ZNF423: variants seen among roughly 807,000 people sequenced by gnomAD.
The protein encoded by ZNF423 is Ebf-associated zinc finger protein.
Under a neutral mutation model 95.8 loss-of-function variants are expected in ZNF423, and 12 were observed. The ratio of observed to expected loss-of-function variants is 0.13; its 90% CI spans 0.08 to 0.20. The LOEUF is 0.20. Among genes scored for constraint, ZNF423 ranks in the 10% least tolerant of loss-of-function variants. The pLI is 1.00. For synonymous variants in ZNF423, 749 were observed against 711.9 expected (o/e 1.05, Z -0.83); for missense variants, 1,316 against 1,737.1 (o/e 0.76, Z 4.31).
chr16:49,554,402 C>A (rs1050661798), intron 5 of ZNF423, among the ~76,000 whole-genome samples: 3 of 152,090 alleles, frequency 2.0e-5, no homozygotes, highest in Non-Finnish European at 4.4e-5. Flanking sequence ...TTGACCCAGG[C>A]CCCCAAATCC....
intron 2 of ZNF423, among the ~76,000 whole-genome samples, chr16:49,763,655 G>A (rs541696216): frequency 3.8e-4 from 58 of 152,146 alleles, no homozygotes; most frequent in African/African-American, 1.3e-3. Flanking sequence ...CCACTTCTCC[G>A]CTGCCTCTGC....
At chr16:49,663,054 C>A (rs2030327209) in intron 3 of ZNF423, among the ~76,000 whole-genome samples, 1 of 152,132 alleles carries the variant, frequency 6.6e-6, no homozygotes, top group South Asian at 2.1e-4. Context: ...ATTATCCAAG[C>A]AGGCGCTGGC....
At chr16:49,741,266 G>A (rs1038984154) in intron 2 of ZNF423, among the ~76,000 whole-genome samples, 10 of 151,922 alleles carry the variant, frequency 6.6e-5, no homozygotes, top group African/African-American at 1.9e-4. Context: ...GGGCCAAGGC[G>A]GGTGGATCAT....
rs546990877 is a variant in ZNF423, at chr16:49,724,843, C to T, written c.301+5928G>A. 9.1e-4 allele frequency among the ~76,000 whole-genome samples: 139 copies of T among 152,288 alleles called. No homozygotes were observed. The South Asian group carries it at 0.015, about 16-fold the overall frequency. ...GGTCCCAGTCCTCAAGAAGGGATAGCGGAGAGGGGAGCCGCAAAATTAACC... is the reference window on the plus strand; with the variant it reads ...GGTCCCAGTCCTCAAGAAGGGATAGTGGAGAGGGGAGCCGCAAAATTAACC... On this transcript the variant is annotated intron_variant, in intron 3 of 7. Coordinates refer to ENST00000563137, the MANE Select transcript of ZNF423 (RefSeq NM_001379286.1).
intron 1 of ZNF423, among the ~76,000 whole-genome samples, chr16:49,842,406 AAGGAAGGCAGGCAGGCAGGC>A (rs1230479624): frequency 4.0e-4 from 35 of 88,390 alleles, no homozygotes; most frequent in Middle Eastern, 7.9e-3. Context: ...GGAAGGAAGG[AAGGAAGGCAGGCAGGCAGGC>A]AGGCAGGCAG....
At chr16:49,522,585 A>T (rs919666159) in intron 7 of ZNF423, among the ~76,000 whole-genome samples, 1 of 152,076 alleles carries the variant, frequency 6.6e-6, no homozygotes, top group Non-Finnish European at 1.5e-5. Flanking sequence ...CGACAGGCTC[A>T]TTCTTGGTAT....
At chr16:49,817,915 C>T (rs1444071872) in intron 1 of ZNF423, among the ~76,000 whole-genome samples, 2 of 152,094 alleles carry the variant, frequency 1.3e-5, no homozygotes, top group African/African-American at 4.8e-5. Context: ...AGTACCAGGC[C>T]TCCAACCCGC....
intron 2 of ZNF423, among the ~76,000 whole-genome samples, chr16:49,783,286 G>C (rs2034245202): frequency 6.6e-6 from 1 of 151,078 alleles, no homozygotes; most frequent in Admixed American, 6.6e-5. Context: ...GTTAGGGTTA[G>C]AGTTAGGATT....
chr16:49,737,539 T>C (rs2033315934), intron 2 of ZNF423, among the ~76,000 whole-genome samples: 1 of 152,174 alleles, frequency 6.6e-6, no homozygotes, highest in African/African-American at 2.4e-5. Flanking sequence ...GGAATACAGG[T>C]GTGAGCCACC....
chr16:49,592,223 A>C (rs369173839), intron 5 of ZNF423, among the ~76,000 whole-genome samples: 2 of 152,346 alleles, frequency 1.3e-5, no homozygotes, highest in South Asian at 2.1e-4. Flanking sequence ...TAAACATCAA[A>C]TTGTTAACAG....
chr16:49,823,385 T>G (rs1321700240), intron 1 of ZNF423, among the ~76,000 whole-genome samples: 1 of 152,184 alleles, frequency 6.6e-6, no homozygotes, highest in Non-Finnish European at 1.5e-5. Flanking sequence ...TCTTCACAGC[T>G]GTGCAGAAAA....
At chr16:49,502,147 C>T (rs939434333) in intron 7 of ZNF423, among the ~76,000 whole-genome samples, 14 of 152,324 alleles carry the variant, frequency 9.2e-5, no homozygotes, top group South Asian at 2.1e-4. Context: ...GGGCCACCAG[C>T]TTGAGACCTC....
chr16:49,506,453 G>C (rs1967644432), intron 7 of ZNF423, among the ~76,000 whole-genome samples: 1 of 150,976 alleles, frequency 6.6e-6, no homozygotes, highest in South Asian at 2.1e-4. Context: ...GTGGATGACA[G>C]ATTGATGGGT....
At chr16:49,675,023 G>C (rs867719675) in intron 3 of ZNF423, among the ~76,000 whole-genome samples, 2 of 152,206 alleles carry the variant, frequency 1.3e-5, no homozygotes, top group African/African-American at 4.8e-5. Context: ...GCCCAGGGCA[G>C]AGCGGGAGGC....
chr16:49,657,032 G>A (rs557837374), intron 3 of ZNF423, among the ~76,000 whole-genome samples: 6 of 152,212 alleles, frequency 3.9e-5, no homozygotes, highest in Non-Finnish European at 8.8e-5. Flanking sequence ...CAGGGAAAGA[G>A]AGGGAGTGAC....
chr16:49,675,022 A>G (rs2030987267), intron 3 of ZNF423, among the ~76,000 whole-genome samples: 1 of 152,174 alleles, frequency 6.6e-6, no homozygotes, highest in African/African-American at 2.4e-5. Flanking sequence ...CGCCCAGGGC[A>G]GAGCGGGAGG....
intron 2 of ZNF423, among the ~76,000 whole-genome samples, chr16:49,774,218 G>A (rs148062870): frequency 3.0e-4 from 45 of 152,292 alleles, no homozygotes; most frequent in Non-Finnish European, 6.0e-4. Flanking sequence ...CTCTTTCCAC[G>A]TTTGGAGAAG....
chr16:49,731,157 C>T (rs2033158679), intron 2 of ZNF423, 186 bp from the exon 3 acceptor site: 1 of 480,586 alleles, frequency 2.1e-6, no homozygotes, highest in South Asian at 8.8e-5. Flanking sequence ...TAATTCTCAA[C>T]CAGATTCTTT....
intron 1 of ZNF423, among the ~76,000 whole-genome samples, chr16:49,845,763 C>T (rs1220845977): frequency 1.3e-5 from 2 of 151,628 alleles, no homozygotes; most frequent in African/African-American, 4.8e-5. Context: ...AGGCTGGTCT[C>T]GAACTCCTGA....
Sources: allele counts gnomAD v4.1 joint callset (sites outside exome capture counted in the v4.1 genomes callset), GRCh38; gene constraint gnomAD v4.1.1; transcripts MANE v1.5; gene names NCBI Gene and HGNC (gene_info 2026-07-23, HGNC 2026-07-21).